SNX19: variants seen among roughly 807,000 people sequenced by gnomAD.
SNX19 encodes the protein sorting nexin 19.
In SNX19, 60 loss-of-function variants were observed where a neutral mutation model predicts 85.2. That is an observed-to-expected ratio of 0.70 (90% CI 0.57 to 0.87). The LOEUF is 0.87. Among genes scored for constraint, SNX19 ranks in the 40% least tolerant of loss-of-function variants. SNX19 has a pLI of 0.00. For synonymous variants in SNX19, 520 were observed against 470.0 expected (o/e 1.11, Z -1.38); for missense variants, 1,201 against 1,217.8 (o/e 0.99, Z 0.21).
intron 8 of SNX19, among the ~76,000 whole-genome samples, chr11:130,885,985 T>C (rs922409479): frequency 1.3e-5 from 2 of 152,168 alleles, no homozygotes; most frequent in African/African-American, 4.8e-5. Flanking sequence ...TTCCACAACA[T>C]CCTTGCCCCT....
intron 8 of SNX19, chr11:130,893,953 G>T (rs1320653126): frequency 3.3e-6 from 2 of 607,472 alleles, no homozygotes; most frequent in African/African-American, 3.7e-5. Context: ...AAGGACAGAG[G>T]TAAAGATCAA....
rs1944079780 is a variant in SNX19 at position 130,886,458 on chromosome 11, G to T, written c.2574-5652C>A. Among the ~76,000 whole-genome samples, 3 of 152,126 alleles carry T rather than the reference G, an allele frequency of 2.0e-5. No individual in the cohort carries two copies. In the South Asian group the frequency reaches 6.2e-4, roughly 32 times the overall value. ...GTGTCAAGAATTAGGAGTTCCGAGA[G>T]AAAGTAGGAGAAGCCCAAGCCACAT... On this transcript the variant is annotated intron_variant, in intron 8 of 10. Coordinates refer to ENST00000265909, the MANE Select transcript of SNX19 (RefSeq NM_014758.3).
intron 8 of SNX19, chr11:130,895,077 CA>C: frequency 9.1e-6 from 9 of 985,410 alleles, no homozygotes; most frequent in Non-Finnish European, 1.1e-5. Context: ...GAAAGTACAA[CA>C]GCAGGAGATG....
Position 130,910,342 on chromosome 11 carries a change from T to C in SNX19, c.1842A>G (p.Pro614=). ...KNVKGPKKLF[P]DLPLGNMDSD... ...TGTCCATGTTTCCCAATGGAAGATC[T>C]GGAAAGAGCTTTTTAGGACCCTTCA... The change falls in exon 3 of 11, where the codon CCA becomes CCG. Residue 614 remains proline, a synonymous_variant. Coordinates refer to ENST00000265909, the MANE Select transcript of SNX19 (RefSeq NM_014758.3). 1.2e-6 allele frequency: 2 copies of C among 1,609,864 alleles called. No individual in the cohort carries two copies. Among genetic ancestry groups the C allele is most frequent in the South Asian group, 1.1e-5 (1 of 90,666 alleles).
chr11:130,882,486 A>G (rs1036128330), intron 8 of SNX19, among the ~76,000 whole-genome samples: 17 of 152,240 alleles, frequency 1.1e-4, no homozygotes, highest in Non-Finnish European at 5.9e-5. Context: ...CTCACAACTG[A>G]TTCTAAGAAT....
rs1946392993 is a variant in SNX19, at chr11:130,914,568, G to A, written c.1372C>T (p.Gln458Ter). 1.2e-6 allele frequency: 2 copies of A among 1,613,948 alleles called. No individual in the cohort carries two copies. Among genetic ancestry groups the A allele is most frequent in the Non-Finnish European group, 8.5e-7 (1 of 1,179,858 alleles). The change falls in exon 1 of 11, where the codon CAA (glutamine) becomes TAA (stop). Residue 458 changes from glutamine to a stop codon, truncating the protein, a stop_gained. Transcript: ENST00000265909. LOFTEE classifies it high-confidence loss of function. ...HIDTADKEIE[Q>*]GDVTASVTAL... ...GTAACAGAGGCGGTAACATCTCCTT[G>A]TTCTATCTCCTTGTCTGCTGTGTCA...
chr11:130,904,103 A>G (rs1205091295), intron 7 of SNX19, among the ~76,000 whole-genome samples: 1 of 152,212 alleles, frequency 6.6e-6, no homozygotes. Flanking sequence ...CAAAGACTGT[A>G]AGGGCCACAA....
In SNX19 at chr11:130,915,274, C is replaced by T. The variant is rs1380164155; in HGVS notation, c.666G>A (p.Gly222=). The change falls in exon 1 of 11, where the codon GGG becomes GGA. Residue 222 remains glycine (G), a synonymous_variant. Coordinates refer to ENST00000265909, the MANE Select transcript of SNX19 (RefSeq NM_014758.3). ...TCTCCAAGTGGGGCTTGGGCACCAG[C>T]CCTTGAAGCAACAAATTCACAACGC... is the stretch of plus-strand genomic sequence containing the variant. ...TRGVVNLLLQ[G]LVPKPHLETR... is the part of the protein sequence containing the mutation. 1.2e-6 allele frequency: 2 copies of T among 1,614,098 alleles called. No homozygotes were observed. Among genetic ancestry groups the T allele is most frequent in the South Asian group, 1.1e-5 (1 of 91,088 alleles).
chr11:130,905,909 A>T (rs754997589), intron 7 of SNX19, 44 bp downstream of exon 7: 50 of 1,613,898 alleles, frequency 3.1e-5, no homozygotes, highest in Non-Finnish European at 3.9e-5. Flanking sequence ...AGTGGATGCC[A>T]CCCTGGCTCC....
intron 8 of SNX19, among the ~76,000 whole-genome samples, chr11:130,889,009 C>T (rs921591003): frequency 1.6e-4 from 25 of 152,238 alleles, no homozygotes; most frequent in East Asian, 9.7e-4. Context: ...TGAATAAATG[C>T]TTTCACCATG....
At chr11:130,882,979 T>G (rs1298850209) in intron 8 of SNX19, among the ~76,000 whole-genome samples, 2 of 152,186 alleles carry the variant, frequency 1.3e-5, no homozygotes, top group Non-Finnish European at 2.9e-5. Context: ...TTCTGGCATG[T>G]CTTACAAAGC....
At chr11:130,903,659 T>C (rs922573861) in intron 7 of SNX19, among the ~76,000 whole-genome samples, 4 of 151,282 alleles carry the variant, frequency 2.6e-5, no homozygotes, top group African/African-American at 9.7e-5. Flanking sequence ...TCTAATTATA[T>C]ATATATCTGC....
At chr11:130,896,961 C>A (rs753306846) in intron 8 of SNX19, among the ~76,000 whole-genome samples, 2 of 150,806 alleles carry the variant, frequency 1.3e-5, no homozygotes, top group Admixed American at 1.3e-4. Flanking sequence ...GATTCTGGAG[C>A]GTTCTAAGAG....
chr11:130,907,323 G>C (rs1565543226), intron 5 of SNX19, among the ~76,000 whole-genome samples: 1 of 148,182 alleles, frequency 6.7e-6, no homozygotes. Flanking sequence ...TAAGCACAGA[G>C]ACAGAGACAC....
chr11:130,888,986 A>G (rs1944295732), intron 8 of SNX19, among the ~76,000 whole-genome samples: 2 of 152,206 alleles, frequency 1.3e-5, no homozygotes, highest in South Asian at 4.1e-4. Flanking sequence ...CCATTCATTC[A>G]CTGCTGAATG....
Position 130,876,594 on chromosome 11 carries a change from T to C in SNX19, c.*1828A>G, listed in dbSNP as rs1021498513. On this transcript the variant is annotated 3_prime_UTR_variant, in exon 11 of 11. Transcript: ENST00000265909. ...AGCAACACAGGTGGCTAAGTACACA[T>C]GAGGGGAAGGTAGGTATGGGGAGAG... The C allele has an allele frequency of 5.1e-5, 3 of 58,380 alleles. No individual in the cohort carries two copies. Among genetic ancestry groups the C allele is most frequent in the African/African-American group, 3.1e-4 (3 of 9,672 alleles). The allele number at this position is 58,380 out of a possible 1,614,324, so 3.6% of individuals were successfully genotyped here.
At chr11:130,895,096 A>T in intron 8 of SNX19, 1 of 985,374 alleles carries the variant, frequency 1.0e-6, no homozygotes, top group Non-Finnish European at 1.2e-6. Context: ...ATGCTTCCAG[A>T]GAGGGCAGGC....
chr11:130,884,374 GTTAAAAA>G, intron 8 of SNX19, among the ~76,000 whole-genome samples: 1 of 152,246 alleles, frequency 6.6e-6, no homozygotes, highest in East Asian at 1.9e-4. Flanking sequence ...GAGTGGGAAG[GTTAAAAA>G]GAGATTCGTA....
chr11:130,902,432 A>G (rs1565535116), intron 8 of SNX19, among the ~76,000 whole-genome samples: 1 of 152,140 alleles, frequency 6.6e-6, no homozygotes, highest in Non-Finnish European at 1.5e-5. Context: ...TTTTATAAGG[A>G]TGTATTTTTT....
Sources: allele counts gnomAD v4.1 joint callset (sites outside exome capture counted in the v4.1 genomes callset), GRCh38; gene constraint gnomAD v4.1.1; transcripts MANE v1.5; gene names NCBI Gene and HGNC (gene_info 2026-07-23, HGNC 2026-07-21).